The following SYT1 variants were observed in gnomAD, a reference collection of about 807,000 sequenced individuals.
The protein encoded by SYT1 is synaptotagmin-1.
A neutral mutation model predicts 44.8 loss-of-function variants in SYT1; 8 were observed. The observed-to-expected ratio is 0.18, with a 90% CI of 0.10 to 0.32. The LOEUF (loss-of-function observed/expected upper bound fraction) is 0.32. SYT1 is among the 10% of genes least tolerant of loss of function. SYT1 has a pLI of 1.00. For missense variants in SYT1, 286 were observed against 509.3 expected, an observed-to-expected ratio of 0.56 and a Z score of 4.22; for synonymous variants, 154 against 188.8, an observed-to-expected ratio of 0.82 and a Z score of 1.51.
intron 1 of SYT1, among the ~76,000 whole-genome samples, chr12:78,884,751 CTTG>C (rs1310970712): frequency 6.6e-6 from 1 of 151,324 alleles, no homozygotes; most frequent in African/African-American, 2.4e-5. Flanking sequence ...AAAATGTAAA[CTTG>C]TTAAGAATGA....
intron 3 of SYT1, among the ~76,000 whole-genome samples, chr12:79,083,529 G>C (rs1017262292): frequency 6.6e-6 from 1 of 151,952 alleles, no homozygotes; most frequent in Non-Finnish European, 1.5e-5. Context: ...AATAGTATTG[G>C]CTGAAAAATA....
intron 10 of SYT1, among the ~76,000 whole-genome samples, chr12:79,445,163 A>T (rs148107526): frequency 6.6e-6 from 1 of 152,186 alleles, no homozygotes; most frequent in East Asian, 1.9e-4. Context: ...CTCTTTATTT[A>T]TTTTATTTTA....
At chr12:79,179,156 A>ATATATC (rs1491146944) in intron 3 of SYT1, among the ~76,000 whole-genome samples, 1 of 81,676 alleles carries the variant, frequency 1.2e-5, no homozygotes, top group East Asian at 5.7e-4. Flanking sequence ...AGATATATAG[A>ATATATC]TATATAGATA....
chr12:79,448,908 C>CTTCT lies in SYT1; in HGVS notation c.1063-6_1063-3dup, dbSNP rs1320667980. ...TAGATGATTCATATTCATTTCATGG[C>CTTCT]TTCTTTCAGAAAGTGCAGGTGGTGG... On this transcript the variant is annotated splice_polypyrimidine_tract_variant and intron_variant, in intron 10 of 10. Transcript: ENST00000261205. 3 of 1,613,680 alleles carry CTTCT rather than the reference C, an allele frequency of 1.9e-6. No individual in the cohort carries two copies. Among genetic ancestry groups the CTTCT allele is most frequent in the Non-Finnish European group, 1.7e-6 (2 of 1,179,654 alleles).
intron 3 of SYT1, among the ~76,000 whole-genome samples, chr12:79,154,379 T>C (rs1427077012): frequency 6.6e-6 from 1 of 151,972 alleles, no homozygotes; most frequent in African/African-American, 2.4e-5. Context: ...CTGAAACAAC[T>C]CTATGACATA....
At chr12:78,960,912 C>T (rs1424350916) in intron 1 of SYT1, among the ~76,000 whole-genome samples, 1 of 152,084 alleles carries the variant, frequency 6.6e-6, no homozygotes, top group Non-Finnish European at 1.5e-5. Flanking sequence ...AGGTGGAAAG[C>T]AATATAAAAC....
intron 9 of SYT1, among the ~76,000 whole-genome samples, chr12:79,371,395 A>G (rs919143925): frequency 6.6e-6 from 1 of 152,196 alleles, no homozygotes; most frequent in Non-Finnish European, 1.5e-5. Context: ...TTGACTCACA[A>G]TGAATACTCT....
chr12:79,150,407 C>A (rs1870198001), intron 3 of SYT1, among the ~76,000 whole-genome samples: 1 of 152,060 alleles, frequency 6.6e-6, no homozygotes, highest in Non-Finnish European at 1.5e-5. Context: ...GTCAAACTCA[C>A]AGAAGTAGAG....
chr12:79,303,125 G>T (rs993922384), intron 8 of SYT1, among the ~76,000 whole-genome samples: 2 of 151,996 alleles, frequency 1.3e-5, no homozygotes, highest in African/African-American at 4.8e-5. Context: ...TATCTTTTTA[G>T]AATAATCTAT....
chr12:79,325,798 T>A (rs533586529), intron 8 of SYT1, among the ~76,000 whole-genome samples: 1 of 152,310 alleles, frequency 6.6e-6, no homozygotes, highest in East Asian at 1.9e-4. Context: ...ATGCATAAGA[T>A]AGAGAATATA....
chr12:79,395,621 A>G (rs1275332970), intron 9 of SYT1, among the ~76,000 whole-genome samples: 1 of 152,184 alleles, frequency 6.6e-6, no homozygotes, highest in East Asian at 1.9e-4. Flanking sequence ...ACCTGGAATC[A>G]AGCAAATCTC....
At chr12:78,954,384 C>T (rs2137308005) in intron 1 of SYT1, among the ~76,000 whole-genome samples, 1 of 152,048 alleles carries the variant, frequency 6.6e-6, no homozygotes, top group African/African-American at 2.4e-5. Flanking sequence ...CCACTTTTTA[C>T]TTATTAACAT....
At chr12:79,106,000 G>A (rs1878698372) in intron 3 of SYT1, among the ~76,000 whole-genome samples, 1 of 152,274 alleles carries the variant, frequency 6.6e-6, no homozygotes, top group African/African-American at 2.4e-5. Flanking sequence ...AAATGAATGA[G>A]TACAATCTCA....
At chr12:79,078,353 G>T (rs1373788965) in intron 3 of SYT1, among the ~76,000 whole-genome samples, 3 of 152,066 alleles carry the variant, frequency 2.0e-5, no homozygotes, top group African/African-American at 7.2e-5. Flanking sequence ...TCTAGCAGAG[G>T]TCATTTTTAG....
In SYT1 at chr12:78,995,569, C is replaced by A. The variant is rs2137505889; in HGVS notation, c.-84+17638C>A. Among the ~76,000 whole-genome samples, 2 of 152,304 alleles carry A rather than the reference C, an allele frequency of 1.3e-5. 1 individual carries two copies. Among genetic ancestry groups the A allele is most frequent in the South Asian group, 4.1e-4 (2 of 4,826 alleles). On this transcript the variant is annotated intron_variant, in intron 2 of 10. Coordinates refer to ENST00000261205, the MANE Select transcript of SYT1 (RefSeq NM_005639.3). ...CAGTCTCAAGAGCTTTCATTTCTAGCAGCAAAGAAATTGTATTACAGTAGC... is the reference window on the plus strand; with the variant it reads ...CAGTCTCAAGAGCTTTCATTTCTAGAAGCAAAGAAATTGTATTACAGTAGC...
intron 2 of SYT1, among the ~76,000 whole-genome samples, chr12:79,018,758 G>A (rs1174470740): frequency 6.6e-6 from 1 of 151,974 alleles, no homozygotes; most frequent in African/African-American, 2.4e-5. Flanking sequence ...CATAAAGACT[G>A]GGTTCTTTGA....
intron 1 of SYT1, among the ~76,000 whole-genome samples, chr12:78,867,500 A>G (rs1419975799): frequency 6.6e-6 from 1 of 152,056 alleles, no homozygotes; most frequent in African/African-American, 2.4e-5. Context: ...TTACTTTGTT[A>G]TCCCACAAAA....
At chr12:79,299,633 C>A in intron 8 of SYT1, 82 bp downstream of exon 8, 1 of 1,513,090 alleles carries the variant, frequency 6.6e-7, no homozygotes. Flanking sequence ...GAGAAATACT[C>A]TTTACAAAGG....
chr12:79,216,675 A>G (rs981590458), intron 3 of SYT1, among the ~76,000 whole-genome samples: 4 of 152,244 alleles, frequency 2.6e-5, no homozygotes, highest in African/African-American at 9.6e-5. Flanking sequence ...TGATTACTTT[A>G]TTAATTATTT....
Sources: gnomAD v4.1 joint callset for allele counts (sites outside exome capture counted in the v4.1 genomes callset) on GRCh38, gnomAD v4.1.1 for gene constraint, MANE v1.5 for transcripts, NCBI Gene and HGNC (gene_info 2026-07-23, HGNC 2026-07-21) for gene names.